Variants in FRMPD4 observed in about 807,000 individuals in gnomAD.
FRMPD4 encodes the protein FERM and PDZ domain containing 4, also known as FERM and PDZ domain-containing protein 4.
In FRMPD4, 22 loss-of-function variants were observed where a neutral mutation model predicts 94.1. The ratio of observed to expected loss-of-function variants is 0.23; its 90% CI spans 0.17 to 0.33. FRMPD4 has a LOEUF of 0.33. FRMPD4 is among the 10% of genes least tolerant of loss of function. The pLI, the probability that FRMPD4 is intolerant of heterozygous loss-of-function variation, is 1.00. For synonymous variants in FRMPD4, 631 were observed against 548.6 expected, an observed-to-expected ratio of 1.15 and a Z score of -2.10; for missense variants, 1,111 against 1,339.9, an observed-to-expected ratio of 0.83 and a Z score of 2.67.
chrX:12,636,739 TA>T, intron 4 of FRMPD4, among the ~76,000 whole-genome samples: 1 of 111,816 alleles, frequency 8.9e-6, no homozygotes, highest in African/African-American at 3.2e-5. Flanking sequence ...AAAAATAGTA[TA>T]TTTTTAAGTA....
chrX:11,971,792 G>A (rs1361106566), intron 3 of FRMPD4, among the ~76,000 whole-genome samples: 1 of 112,230 alleles, frequency 8.9e-6, no homozygotes, highest in African/African-American at 3.2e-5. Context: ...CCCTAAGAAA[G>A]AATGAGATAA....
intron 1 of FRMPD4, among the ~76,000 whole-genome samples, chrX:12,182,236 G>A (rs973565853): frequency 8.9e-6 from 1 of 111,853 alleles, no homozygotes; most frequent in African/African-American, 3.3e-5. Context: ...TAGTGAAGAA[G>A]TGACTAAAGG....
intron 3 of FRMPD4, among the ~76,000 whole-genome samples, chrX:11,892,882 G>A (rs899514193): frequency 4.5e-5 from 5 of 112,287 alleles, no homozygotes; most frequent in African/African-American, 1.6e-4. Context: ...TTCACAATCA[G>A]TGAGAGCTTT....
At chrX:12,304,569 A>G (rs879012644) in intron 1 of FRMPD4, among the ~76,000 whole-genome samples, 12 of 111,241 alleles carry the variant, frequency 1.1e-4, no homozygotes, top group African/African-American at 3.9e-4. Flanking sequence ...TTTTGGTCCC[A>G]AGATATTATA....
intron 4 of FRMPD4, among the ~76,000 whole-genome samples, chrX:12,641,701 A>G (rs1011882965): frequency 2.7e-5 from 3 of 112,509 alleles, no homozygotes; most frequent in Non-Finnish European, 5.6e-5. Flanking sequence ...ATTAATGATT[A>G]TCTCTAGAGA....
intron 1 of FRMPD4, among the ~76,000 whole-genome samples, chrX:12,442,332 T>C (rs1405523359): frequency 9.0e-6 from 1 of 111,094 alleles, no homozygotes; most frequent in Non-Finnish European, 1.9e-5. Context: ...AGGATAACTA[T>C]GAACACTGCC....
rs1361099888 is a variant in FRMPD4, at chrX:12,193,825, AGGAGG to A, written c.41+54815_41+54819del. Among the ~76,000 whole-genome samples the A allele has an allele frequency of 5.9e-3, 213 of 36,119 alleles. 37 individuals carry two copies. The highest frequency in any genetic ancestry group is 0.055 in the East Asian group (19 of 348). 31.4% of individuals were successfully genotyped at this position (36,119 alleles called of 115,157 possible). A position where few individuals can be genotyped will look rare whatever the true frequency, so the allele number is the denominator to read the frequency against. ...AAGGAAGGAAGGAAGGAAGGAAGGA[AGGAGG>A]GAAGGAAGAAAGAAAAGAAAGAAAA... On this transcript the variant is annotated intron_variant, in intron 1 of 16. Coordinates refer to ENST00000675598, the MANE Select transcript of FRMPD4 (RefSeq NM_001368397.1).
chrX:12,380,748 T>A (rs2056307022), intron 1 of FRMPD4, among the ~76,000 whole-genome samples: 1 of 112,067 alleles, frequency 8.9e-6, no homozygotes, highest in Admixed American at 9.5e-5. Flanking sequence ...ACATGATTGA[T>A]CAAAGCAATT....
chrX:12,060,252 C>T (rs112093683), intron 3 of FRMPD4, among the ~76,000 whole-genome samples: 7,519 of 106,397 alleles, frequency 0.071, 268 homozygotes, highest in East Asian at 0.23. Flanking sequence ...TTCTCCACAG[C>T]CTCACTAGGA....
intron 1 of FRMPD4, among the ~76,000 whole-genome samples, chrX:12,161,439 A>G (rs1321039668): frequency 1.8e-5 from 2 of 112,378 alleles, no homozygotes; most frequent in Middle Eastern, 4.6e-3. Flanking sequence ...GATTACAGGC[A>G]TGAGCCACTG....
chrX:12,490,536 T>A (rs946794341), intron 1 of FRMPD4, among the ~76,000 whole-genome samples: 7 of 112,403 alleles, frequency 6.2e-5, no homozygotes, highest in African/African-American at 2.3e-4. Flanking sequence ...ATATTTGTTA[T>A]ATGCATTAAA....
In FRMPD4 at chrX:12,721,236, G is replaced by A. The variant is rs775651753; in HGVS notation, c.4667G>A (p.Arg1556Gln). ...PCLAVAIQKQ[R>Q]GELSRGSVLK... ...CTGGCTGTGGCGATTCAGAAGCAAC[G>A]AGGGGAGCTATCCAGAGGGTCAGTG... Residue 1556 changes from arginine to glutamine, a missense_variant, in exon 17 of 17, where the codon CGA (arginine) becomes CAA (glutamine). This residue lies in a region of FRMPD4 where 551 missense variants were observed against 591.6 expected (regional missense o/e 0.93). Transcript: ENST00000675598. 4.4e-5 allele frequency: 33 copies of A among 754,348 alleles called. No homozygotes were observed. The highest frequency in any genetic ancestry group is 7.0e-5 in the African/African-American group (3 of 43,100). The allele number at this position is 754,348 out of a possible 1,213,427, so 62.2% of individuals were successfully genotyped here.
At chrX:11,919,151 G>A (rs2054041563) in intron 3 of FRMPD4, among the ~76,000 whole-genome samples, 1 of 112,283 alleles carries the variant, frequency 8.9e-6, no homozygotes, top group Admixed American at 9.4e-5. Flanking sequence ...AGATTGTCCT[G>A]TGCATGGTAG....
intron 1 of FRMPD4, among the ~76,000 whole-genome samples, chrX:12,394,101 T>A (rs2148042915): frequency 8.9e-6 from 1 of 112,055 alleles, no homozygotes; most frequent in African/African-American, 3.2e-5. Flanking sequence ...TAAATCACCA[T>A]ATATGTGTGA....
chrX:12,190,295 A>G (rs990797778), intron 1 of FRMPD4, among the ~76,000 whole-genome samples: 1 of 111,386 alleles, frequency 9.0e-6, no homozygotes, highest in Admixed American at 9.5e-5. Context: ...GATTTAATCT[A>G]TGGGTTCAAT....
intron 3 of FRMPD4, 114 bp downstream of exon 3, chrX:12,609,995 C>A: frequency 1.4e-6 from 1 of 717,784 alleles, no homozygotes; most frequent in Non-Finnish European, 2.0e-6. Context: ...TATGTTTTTC[C>A]AAAACCTGGA....
chrX:12,284,292 A>C (rs2054568104), intron 1 of FRMPD4, among the ~76,000 whole-genome samples: 1 of 111,752 alleles, frequency 8.9e-6, no homozygotes, highest in Admixed American at 9.5e-5. Flanking sequence ...AATGTACCCT[A>C]GATGATGGAC....
At chrX:12,218,901 A>G (rs908618553) in intron 1 of FRMPD4, among the ~76,000 whole-genome samples, 5 of 112,210 alleles carry the variant, frequency 4.5e-5, no homozygotes, top group Admixed American at 9.4e-5. Flanking sequence ...TTGGTTTATG[A>G]TGGGTTTTTA....
chrX:12,048,269 T>C (rs1347078192), intron 3 of FRMPD4, among the ~76,000 whole-genome samples: 1 of 112,397 alleles, frequency 8.9e-6, no homozygotes, highest in East Asian at 2.8e-4. Context: ...GATCTCATTT[T>C]TTCATATATT....
Sources: gnomAD v4.1 joint callset for allele counts (sites outside exome capture counted in the v4.1 genomes callset) on GRCh38, gnomAD v4.1.1 for gene constraint, gnomAD v4.1.1 regional missense constraint, MANE v1.5 for transcripts, NCBI Gene and HGNC (gene_info 2026-07-23, HGNC 2026-07-21) for gene names.